Variants in IL1RAPL2 observed in about 807,000 individuals in gnomAD.
IL1RAPL2 encodes X-linked interleukin-1 receptor accessory protein-like 2.
In IL1RAPL2, 3 loss-of-function variants were observed where a neutral mutation model predicts 44.1. The observed-to-expected ratio is 0.07, with a 90% CI of 0.03 to 0.18. The LOEUF (loss-of-function observed/expected upper bound fraction) is 0.18, where lower values mean the gene tolerates loss of function less well. Among genes scored for constraint, IL1RAPL2 ranks in the 10% least tolerant of loss-of-function variants. The pLI, the probability that IL1RAPL2 is intolerant of heterozygous loss-of-function variation, is 1.00. For missense variants in IL1RAPL2, 391 were observed against 496.4 expected, an observed-to-expected ratio of 0.79 and a Z score of 2.02; for synonymous variants, 181 against 178.8, an observed-to-expected ratio of 1.01 and a Z score of -0.10.
At chrX:105,603,692 C>T (rs1364059923) in intron 6 of IL1RAPL2, among the ~76,000 whole-genome samples, 2 of 111,442 alleles carry the variant, frequency 1.8e-5, no homozygotes, top group African/African-American at 3.3e-5. Flanking sequence ...ATCTAACAGA[C>T]ATTTACAGAA....
rs903520231 is a variant in IL1RAPL2, at chrX:104,710,732, G to C, written c.82+51737G>C. On this transcript the variant is annotated intron_variant, in intron 2 of 10. Coordinates refer to ENST00000372582, the MANE Select transcript of IL1RAPL2 (RefSeq NM_017416.2). ...ATGATGGTCTCATAAAATTATAATG[G>C]ATCTGAAAAACTCCTATCATCTAGA... is the stretch of plus-strand genomic sequence containing the variant. Among the ~76,000 whole-genome samples the C allele has an allele frequency of 3.6e-5, 4 of 111,100 alleles. No individual in the cohort carries two copies. The East Asian group carries it at 1.1e-3, about 32-fold the overall frequency.
chrX:105,404,313 A>G (rs2035626867), intron 5 of IL1RAPL2, among the ~76,000 whole-genome samples: 1 of 111,689 alleles, frequency 9.0e-6, no homozygotes, highest in South Asian at 3.7e-4. Context: ...GCACATTCTC[A>G]TTTCCCATGT....
At chrX:105,296,307 C>A (rs2034654460) in intron 5 of IL1RAPL2, among the ~76,000 whole-genome samples, 1 of 111,677 alleles carries the variant, frequency 9.0e-6, no homozygotes, top group Non-Finnish European at 1.9e-5. Context: ...TCCTTTAAGG[C>A]CATGACTTTT....
chrX:105,460,035 G>A (rs1275359139), intron 5 of IL1RAPL2, among the ~76,000 whole-genome samples: 1 of 111,222 alleles, frequency 9.0e-6, no homozygotes, highest in Non-Finnish European at 1.9e-5. Flanking sequence ...TCCTTTGCCA[G>A]CAGATTGTCC....
At chrX:105,329,471 A>T (rs2034968919) in intron 5 of IL1RAPL2, among the ~76,000 whole-genome samples, 1 of 111,956 alleles carries the variant, frequency 8.9e-6, no homozygotes, top group African/African-American at 3.2e-5. Flanking sequence ...CTTAGTCTAA[A>T]GTGAATTTAT....
intron 2 of IL1RAPL2, among the ~76,000 whole-genome samples, chrX:104,681,746 C>T (rs189512777): frequency 2.7e-5 from 3 of 112,682 alleles, no homozygotes; most frequent in Non-Finnish European, 3.8e-5. Flanking sequence ...AAGTTTCCAC[C>T]CTTGGGCTTA....
intron 2 of IL1RAPL2, among the ~76,000 whole-genome samples, chrX:105,036,567 A>G (rs899213076): frequency 1.8e-5 from 2 of 111,694 alleles, no homozygotes; most frequent in Admixed American, 9.5e-5. Flanking sequence ...AATTCCAGAA[A>G]TATTTTTCTT....
chrX:105,258,354 C>T (rs1389351621), intron 4 of IL1RAPL2, among the ~76,000 whole-genome samples: 2 of 111,378 alleles, frequency 1.8e-5, no homozygotes, highest in Non-Finnish European at 3.8e-5. Flanking sequence ...TCTCTAGCTG[C>T]CTTTAACATT....
At chrX:105,616,779 C>T (rs772657219) in intron 6 of IL1RAPL2, among the ~76,000 whole-genome samples, 2 of 110,542 alleles carry the variant, frequency 1.8e-5, no homozygotes, top group Non-Finnish European at 3.8e-5. Context: ...TTTTTACTTT[C>T]GATAAAGTCC....
chrX:104,713,542 G>A (rs1050463544), intron 2 of IL1RAPL2, among the ~76,000 whole-genome samples: 3 of 110,691 alleles, frequency 2.7e-5, no homozygotes, highest in African/African-American at 9.8e-5. Flanking sequence ...ATGGGGTTTG[G>A]TTGAATTCAA....
At chrX:104,710,916 T>C (rs1252586975) in intron 2 of IL1RAPL2, among the ~76,000 whole-genome samples, 1 of 111,301 alleles carries the variant, frequency 9.0e-6, no homozygotes, top group African/African-American at 3.3e-5. Context: ...ATGTTACTGG[T>C]TTATGTATTT....
chrX:104,608,156 A>C (rs1929058610), intron 1 of IL1RAPL2, among the ~76,000 whole-genome samples: 1 of 110,526 alleles, frequency 9.0e-6, no homozygotes, highest in African/African-American at 3.3e-5. Context: ...ACATGTTTTC[A>C]CTCGTAAGTG....
In IL1RAPL2 at chrX:105,724,751, G is replaced by A. The variant is rs751906301; in HGVS notation, c.902+7255G>A. ...ATTCCAACAATCTGCTCTCTGCCAA[G>A]CTCTACCATGTTTATTCAGAGAAGT... On this transcript the variant is annotated intron_variant, in intron 7 of 10. Coordinates refer to ENST00000372582, the MANE Select transcript of IL1RAPL2 (RefSeq NM_017416.2). Among the ~76,000 whole-genome samples the A allele has an allele frequency of 6.2e-5, 7 of 112,204 alleles. No individual in the cohort carries two copies. The South Asian group carries it at 2.2e-3, about 35-fold the overall frequency.
intron 2 of IL1RAPL2, among the ~76,000 whole-genome samples, chrX:104,665,546 T>A (rs1310684298): frequency 1.1e-5 from 1 of 89,087 alleles, no homozygotes; most frequent in Non-Finnish European, 1.9e-5. Context: ...ATGATTGAAT[T>A]TTTTATAGAT....
intron 5 of IL1RAPL2, among the ~76,000 whole-genome samples, chrX:105,416,020 T>A (rs1317737695): frequency 9.0e-6 from 1 of 111,678 alleles, no homozygotes; most frequent in Admixed American, 9.5e-5. Flanking sequence ...AAATGATGCT[T>A]TCAAAATTAA....
In IL1RAPL2 at chrX:105,767,278, A is replaced by G. The variant is rs1289487380; in HGVS notation, c.1678A>G (p.Lys560Glu). Residue 560 changes from lysine (K) to glutamate (E), a missense_variant, in exon 11 of 11, where the codon AAA becomes GAA. Coordinates refer to ENST00000372582, the MANE Select transcript of IL1RAPL2 (RefSeq NM_017416.2). Reference sequence around the variant, plus strand: ...CTTAGTATATGAAATGCCCATCAAGAAAAAAGAAATGCTACCTCGGTGCCA... The same window carrying G: ...CTTAGTATATGAAATGCCCATCAAGGAAAAAGAAATGCTACCTCGGTGCCA... ...KHLVYEMPIK[K>E]KEMLPRCHVL... The G allele has an allele frequency of 8.3e-7, 1 of 1,211,709 alleles. No individual in the cohort carries two copies. Among genetic ancestry groups the G allele is most frequent in the East Asian group, 3.0e-5 (1 of 33,840 alleles).
chrX:104,870,059 A>G (rs2147651875), intron 2 of IL1RAPL2, among the ~76,000 whole-genome samples: 1 of 112,256 alleles, frequency 8.9e-6, no homozygotes, highest in Admixed American at 9.5e-5. Context: ...TTCCACTATC[A>G]CTACAATAAA....
intron 2 of IL1RAPL2, among the ~76,000 whole-genome samples, chrX:105,012,643 T>A (rs200559552): frequency 0.023 from 1,410 of 60,967 alleles, 23 homozygotes; most frequent in African/African-American, 0.092. Context: ...TCTCTCTCTC[T>A]CTCACACACA....
At chrX:105,335,318 C>T (rs757930723) in intron 5 of IL1RAPL2, among the ~76,000 whole-genome samples, 22 of 111,384 alleles carry the variant, frequency 2.0e-4, no homozygotes, top group Non-Finnish European at 3.6e-4. Flanking sequence ...TAAGAGGGTA[C>T]TTTCTGCCAA....
Sources: gnomAD v4.1 joint callset for allele counts (sites outside exome capture counted in the v4.1 genomes callset) on GRCh38, gnomAD v4.1.1 for gene constraint, MANE v1.5 for transcripts, NCBI Gene and HGNC (gene_info 2026-07-23, HGNC 2026-07-21) for gene names.